SLC12A4: variants seen among roughly 807,000 people sequenced by gnomAD.
SLC12A4 encodes electroneutral potassium-chloride cotransporter 1.
In SLC12A4, 84 loss-of-function variants were observed where a neutral mutation model predicts 119.2. The observed-to-expected ratio is 0.70, with a 90% CI of 0.59 to 0.85. SLC12A4 has a LOEUF of 0.85. Among genes scored for constraint, SLC12A4 ranks in the 40% least tolerant of loss-of-function variants. The pLI, the probability that SLC12A4 is intolerant of heterozygous loss-of-function variation, is 0.00. For synonymous variants in SLC12A4, 599 were observed against 604.6 expected (o/e 0.99, Z 0.14); for missense variants, 1,298 against 1,476.3 (o/e 0.88, Z 1.98).
At chr16:67,947,204 G>C in intron 16 of SLC12A4, 99 bp from the exon 17 acceptor site, 1 of 1,507,924 alleles carries the variant, frequency 6.6e-7, no homozygotes, top group Non-Finnish European at 8.9e-7. Flanking sequence ...TGCAGGTTTG[G>C]GTAGCATGGC....
chr16:67,954,025 CAGT>C (rs1335831893), intron 6 of SLC12A4: 2 of 209,500 alleles, frequency 9.5e-6, no homozygotes, highest in African/African-American at 4.8e-5. Context: ...AACAGCCAGG[CAGT>C]CCCTCCAGGT....
rs2151327053 is a variant in SLC12A4, at chr16:67,949,011, G to A, written c.1748+789C>T. Among the ~76,000 whole-genome samples, 1 of 152,280 alleles carries A rather than the reference G, an allele frequency of 6.6e-6. No individual in the cohort carries two copies. Among genetic ancestry groups the A allele is most frequent in the African/African-American group, 2.4e-5 (1 of 41,560 alleles). ...AGGAGCGTCAGCCACGGAGCAGGGT[G>A]GGCGAGGACCCCAGCCTGGACAGAG... On this transcript the variant is annotated intron_variant, in intron 13 of 23. Coordinates refer to ENST00000316341, the MANE Select transcript of SLC12A4 (RefSeq NM_005072.5). The surrounding 1 kb of genome is among the most constrained non-coding windows in gnomAD (Gnocchi z 4.6).
intron 4 of SLC12A4, 32 bp from the exon 5 acceptor site, chr16:67,957,828 A>G (rs2030353523): frequency 6.2e-7 from 1 of 1,614,050 alleles, no homozygotes; most frequent in African/African-American, 1.3e-5. Flanking sequence ...TGAGCGGCTC[A>G]GCTGGGTGGG....
upstream of SLC12A4, chr16:67,968,668 G>T (rs1275051417): frequency 4.7e-6 from 6 of 1,279,920 alleles, no homozygotes; most frequent in Non-Finnish European, 4.9e-6. Flanking sequence ...TCCCCGCTGC[G>T]CTCACTTCCT....
In SLC12A4 at chr16:67,947,301, CGCCCTGGCCAG is replaced by C. The variant is rs756323190; in HGVS notation, c.2072+19_2072+29del. On this transcript the variant is annotated intron_variant, in intron 16 of 23. Coordinates refer to ENST00000316341, the MANE Select transcript of SLC12A4 (RefSeq NM_005072.5). ...CGACAGCGACCCCTAAGAACCTCTG[CGCCCTGGCCAG>C]GGTCTGGCGGGAACTCACCGCCAGT... The C allele has an allele frequency of 6.3e-7, 1 of 1,599,846 alleles. No individual in the cohort carries two copies.
chr16:67,967,533 A>G (rs2030919077), intron 1 of SLC12A4, among the ~76,000 whole-genome samples: 1 of 152,198 alleles, frequency 6.6e-6, no homozygotes. Context: ...ACATGTCCTC[A>G]GCCGTGTTCG....
intron 1 of SLC12A4, chr16:67,964,179 CG>C (rs1567428000): frequency 1.5e-6 from 2 of 1,309,640 alleles, no homozygotes; most frequent in African/African-American, 1.5e-5. Context: ...CTAAGAAAGT[CG>C]GACGGGTGGG....
In SLC12A4 at chr16:67,946,470, C is replaced by G; in HGVS notation, c.2405G>C (p.Ser802Thr). 1 of 1,607,198 alleles carries G rather than the reference C, an allele frequency of 6.2e-7. No homozygotes were observed. Among genetic ancestry groups the G allele is most frequent in the Non-Finnish European group, 8.5e-7 (1 of 1,179,960 alleles). ...VLGWPYGWRQ[S>T]EDPRAWKTFI... ...GGTCTTCCAGGCACGGGGGTCCTCG[C>G]TCTGTCGCCAGCCGTAGGGCCAGCC... The change falls in exon 18 of 24, where the codon AGC becomes ACC. Residue 802 changes from serine (S) to threonine (T), a missense_variant. By Grantham distance (58) the Ser-to-Thr change is moderately conservative. Coordinates refer to ENST00000316341, the MANE Select transcript of SLC12A4 (RefSeq NM_005072.5).
chr16:67,961,808 G>T (rs1326553381), intron 2 of SLC12A4, 102 bp from the exon 3 acceptor site: 2 of 1,469,192 alleles, frequency 1.4e-6, no homozygotes, highest in Non-Finnish European at 1.9e-6. Flanking sequence ...CCCTGAGACA[G>T]GCCTGGGCCT....
intron 13 of SLC12A4, among the ~76,000 whole-genome samples, chr16:67,948,977 C>G (rs2058382956): frequency 2.0e-5 from 3 of 152,136 alleles, no homozygotes; most frequent in Admixed American, 2.0e-4. Context: ...CATAACCGCA[C>G]AAGCAAGAAG....
chr16:67,955,268 A>G (rs566693113), intron 5 of SLC12A4, among the ~76,000 whole-genome samples: 1 of 152,346 alleles, frequency 6.6e-6, no homozygotes, highest in South Asian at 2.1e-4. Context: ...CTGTGCTTCT[A>G]TCAAAGTCTA....
rs1488116970 is a variant in SLC12A4 at position 67,949,745 on chromosome 16, G to A, written c.1748+55C>T. 5 of 1,223,198 alleles carry A rather than the reference G, an allele frequency of 4.1e-6. No homozygotes were observed. The South Asian group carries it at 6.4e-5, about 16-fold the overall frequency. 75.8% of individuals were successfully genotyped at this position (1,223,198 alleles called of 1,614,324 possible). On this transcript the variant is annotated intron_variant, in intron 13 of 23. Transcript: ENST00000316341. This position sits in a 1 kb window ranked among gnomAD's most constrained non-coding sequence, Gnocchi z 4.6. ...ACACCAGACGCAGCCACGGGGAGGT[G>A]CTGGGGTTCAGGAAGCCTTTCCCCA...
rs1381712194 is a variant in SLC12A4 at position 67,947,079 on chromosome 16, A to G, written c.2099T>C (p.Leu700Pro). Residue 700 changes from leucine (L) to proline (P), a missense_variant, in exon 17 of 24, where the codon CTG becomes CCG. Coordinates refer to ENST00000316341, the MANE Select transcript of SLC12A4 (RefSeq NM_005072.5). ...WRPQLLVLLK[L>P]DEDLHVKYPR... The stretch of plus-strand genomic sequence containing the variant: ...GTACTTCACGTGGAGGTCCTCGTCC[A>G]GCTTCAGCAGCACCAGCAGCTGCGG... 6.2e-7 allele frequency: 1 copy of G among 1,604,822 alleles called. No homozygotes were observed. The highest frequency in any genetic ancestry group is 8.5e-7 in the Non-Finnish European group (1 of 1,177,434).
rs772733016 is a variant in SLC12A4, at chr16:67,945,757, C to T, written c.2847+7G>A. ...CCGCCCTGGCGTGAACCACAAAGGGCACTGACTTCTCGCTCCCGCTCAGTC... is the reference window on the plus strand; with the variant it reads ...CCGCCCTGGCGTGAACCACAAAGGGTACTGACTTCTCGCTCCCGCTCAGTC... On this transcript the variant is annotated splice_region_variant and intron_variant, in intron 21 of 23. Coordinates refer to ENST00000316341, the MANE Select transcript of SLC12A4 (RefSeq NM_005072.5). 6.2e-7 allele frequency: 1 copy of T among 1,611,750 alleles called. No homozygotes were observed. Among genetic ancestry groups the T allele is most frequent in the South Asian group, 1.1e-5 (1 of 90,960 alleles).
chr16:67,963,794 A>G, intron 1 of SLC12A4: 2 of 1,229,300 alleles, frequency 1.6e-6, no homozygotes, highest in Non-Finnish European at 2.2e-6. Flanking sequence ...AAGGGAATCC[A>G]GGTGAGGGCG....
chr16:67,951,175 G>A lies in SLC12A4; in HGVS notation c.1262C>T (p.Thr421Ile), dbSNP rs1567418412. 1.2e-6 allele frequency: 2 copies of A among 1,614,092 alleles called. No homozygotes were observed. The highest frequency in any genetic ancestry group is 1.7e-6 in the Non-Finnish European group (2 of 1,179,958). The change falls in exon 9 of 24, where the codon ACC (threonine) becomes ATC (isoleucine). Residue 421 changes from threonine (T) to isoleucine (I), a missense_variant. Transcript: ENST00000316341. The surrounding 1 kb of genome is among the most constrained non-coding windows in gnomAD (Gnocchi z 5.2). ...YVVADIATSF[T>I]VLVGIFFPSV... The stretch of plus-strand genomic sequence containing the variant: ...AGGGAAGAAGATGCCGACCAGCACG[G>A]TGAAGGATGTGGCGATGTCAGCGAC...
rs962879904 is a variant in SLC12A4, at chr16:67,951,289, G to A, written c.1148C>T (p.Ala383Val). 23 of 1,613,640 alleles carry A rather than the reference G, an allele frequency of 1.4e-5. No individual in the cohort carries two copies. The highest frequency in any genetic ancestry group is 1.8e-5 in the Non-Finnish European group (21 of 1,179,800). ...CACGATGTCACCCTTCTCCAGGTAG[G>A]CGCTCCACAGGTTTTCTGCAGGGGT... ...AGVLQENLWSAYLEKGDIVEK... is the reference protein window; with the variant it reads ...AGVLQENLWSVYLEKGDIVEK... Residue 383 changes from alanine to valine, a missense_variant, in exon 9 of 24, where the codon GCC becomes GTC. Coordinates refer to ENST00000316341, the MANE Select transcript of SLC12A4 (RefSeq NM_005072.5). This position sits in a 1 kb window ranked among gnomAD's most constrained non-coding sequence, Gnocchi z 5.2.
Position 67,946,006 on chromosome 16 carries a change from A to G in SLC12A4, c.2684T>C (p.Leu895Pro), listed in dbSNP as rs985199637. The change falls in exon 20 of 24, where the codon CTG becomes CCG. Residue 895 changes from leucine to proline, a missense_variant. Physicochemically the swap from Leu to Pro is moderately conservative, Grantham distance 98. Coordinates refer to ENST00000316341, the MANE Select transcript of SLC12A4 (RefSeq NM_005072.5). ...GCGCAGATGGTACAGAAAGACAGCC[A>G]GGTCCTTCTTCATCTGGATGCTGTT... Reference protein sequence around the residue: ...DDNSIQMKKDLAVFLYHLRLE... With the variant: ...DDNSIQMKKDPAVFLYHLRLE... 5 of 1,614,004 alleles carry G rather than the reference A, an allele frequency of 3.1e-6. No individual in the cohort carries two copies. The African/African-American group carries it at 5.3e-5, about 17-fold the overall frequency.
Position 67,954,789 on chromosome 16 carries a change from G to A in SLC12A4, c.545-16C>T. ...GAGCCCCCAGCTACAGCAGAGAAAT[G>A]AAAGTGTGCACAGGTCAAGGCTGGT... On this transcript the variant is annotated splice_polypyrimidine_tract_variant and intron_variant, in intron 5 of 23. Coordinates refer to ENST00000316341, the MANE Select transcript of SLC12A4 (RefSeq NM_005072.5). 6.2e-7 allele frequency: 1 copy of A among 1,614,150 alleles called. No homozygotes were observed. The highest frequency in any genetic ancestry group is 8.5e-7 in the Non-Finnish European group (1 of 1,180,016).
Sources: allele counts gnomAD v4.1 joint callset (sites outside exome capture counted in the v4.1 genomes callset), GRCh38; gene constraint gnomAD v4.1.1; non-coding constraint Gnocchi (gnomAD v3.1); transcripts MANE v1.5; gene names NCBI Gene and HGNC (gene_info 2026-07-23, HGNC 2026-07-21).